Variants in SPATA13 observed in about 807,000 individuals in gnomAD.
SPATA13 encodes the protein spermatogenesis associated 13.
In SPATA13, 50 loss-of-function variants were observed where a neutral mutation model predicts 104.0. The ratio of observed to expected loss-of-function variants is 0.48; its 90% CI spans 0.38 to 0.61. The LOEUF is 0.61. Among genes scored for constraint, SPATA13 ranks in the 20% least tolerant of loss-of-function variants. SPATA13 has a pLI of 0.00. For synonymous variants in SPATA13, 606 were observed against 667.5 expected (o/e 0.91, Z 1.42); for missense variants, 1,524 against 1,690.6 (o/e 0.90, Z 1.73).
chr13:24,291,631 G>C (rs1243868312), intron 9 of SPATA13, among the ~76,000 whole-genome samples: 1 of 152,166 alleles, frequency 6.6e-6, no homozygotes, highest in Non-Finnish European at 1.5e-5. Flanking sequence ...ATCTCCCTTC[G>C]AGCTTCCTTG....
chr13:24,012,526 G>A (rs1876517380), intron 2 of SPATA13, among the ~76,000 whole-genome samples: 1 of 152,240 alleles, frequency 6.6e-6, no homozygotes, highest in Admixed American at 6.5e-5. Flanking sequence ...AATTTTGATA[G>A]GCTTCTCACT....
At chr13:24,098,725 G>A (rs192191304) in intron 3 of SPATA13, among the ~76,000 whole-genome samples, 2 of 151,986 alleles carry the variant, frequency 1.3e-5, no homozygotes, top group East Asian at 3.9e-4. Context: ...TCAAGAGATC[G>A]AGACCATCCT....
intron 2 of SPATA13, among the ~76,000 whole-genome samples, chr13:24,008,664 G>A (rs1171320761): frequency 1.3e-5 from 2 of 152,164 alleles, no homozygotes; most frequent in East Asian, 3.9e-4. Flanking sequence ...ACTGGAGGAG[G>A]CAGCAGGCCT....
intron 3 of SPATA13, among the ~76,000 whole-genome samples, chr13:24,141,943 T>C (rs1382901192): frequency 6.6e-6 from 1 of 152,310 alleles, no homozygotes; most frequent in East Asian, 1.9e-4. Context: ...GGTCTTCATG[T>C]TGCTGTTTAC....
At chr13:24,126,600 A>G (rs1294883259) in intron 3 of SPATA13, among the ~76,000 whole-genome samples, 1 of 152,198 alleles carries the variant, frequency 6.6e-6, no homozygotes, top group East Asian at 1.9e-4. Flanking sequence ...TCTGTCACTC[A>G]GGCTGGAGTG....
At chr13:24,292,402 A>G (rs1305382441) in intron 9 of SPATA13, among the ~76,000 whole-genome samples, 1 of 152,198 alleles carries the variant, frequency 6.6e-6, no homozygotes, top group Non-Finnish European at 1.5e-5. Flanking sequence ...CCAGGCTCCA[A>G]GCCAGGCTAC....
chr13:24,026,788 A>G (rs978508888), intron 3 of SPATA13, among the ~76,000 whole-genome samples: 1 of 151,984 alleles, frequency 6.6e-6, no homozygotes, highest in East Asian at 1.9e-4. Context: ...CGTGTTAGCC[A>G]GGATGGTCTG....
intron 2 of SPATA13, among the ~76,000 whole-genome samples, chr13:24,239,837 T>C (rs1872748343): frequency 6.6e-6 from 1 of 151,858 alleles, no homozygotes. Flanking sequence ...TTCATTTTTA[T>C]AAAATCATGT....
chr13:24,236,870 T>C (rs936190740), intron 2 of SPATA13, among the ~76,000 whole-genome samples: 2 of 152,150 alleles, frequency 1.3e-5, no homozygotes, highest in Non-Finnish European at 2.9e-5. Flanking sequence ...TACTGTATGA[T>C]CCAGCAATTC....
At chr13:24,135,163 C>T (rs561438319) in intron 3 of SPATA13, among the ~76,000 whole-genome samples, 1 of 152,218 alleles carries the variant, frequency 6.6e-6, no homozygotes, top group Non-Finnish European at 1.5e-5. Context: ...TATAAGCCAC[C>T]TAGCTCGTGA....
chr13:23,983,556 G>T (rs1053276320), intron 1 of SPATA13, among the ~76,000 whole-genome samples: 6 of 152,004 alleles, frequency 3.9e-5, no homozygotes, highest in African/African-American at 1.4e-4. Flanking sequence ...CAATTGCTTT[G>T]TTATTCTCAT....
At chr13:24,108,152 C>G (rs1160944005) in intron 3 of SPATA13, among the ~76,000 whole-genome samples, 1 of 152,162 alleles carries the variant, frequency 6.6e-6, no homozygotes, top group East Asian at 1.9e-4. Flanking sequence ...GAAGGGGGGA[C>G]ACGCCCCTCA....
chr13:24,284,097 G>C (rs368843252), intron 4 of SPATA13, 38 bp from the exon 5 acceptor site: 3 of 1,573,018 alleles, frequency 1.9e-6, no homozygotes, highest in Non-Finnish European at 2.6e-6. Flanking sequence ...CTTGTTAGCT[G>C]TGTCTTTTAA....
chr13:24,248,150 C>T (rs530384247), intron 2 of SPATA13, among the ~76,000 whole-genome samples: 6 of 152,370 alleles, frequency 3.9e-5, no homozygotes, highest in African/African-American at 1.4e-4. Context: ...CGCAGCCCTC[C>T]TCTCTGGCCA....
intron 2 of SPATA13, among the ~76,000 whole-genome samples, chr13:24,246,387 T>A (rs1383749837): frequency 1.3e-5 from 2 of 152,232 alleles, no homozygotes; most frequent in African/African-American, 4.8e-5. Flanking sequence ...TTTCCTGTAG[T>A]GGTGTTGGGG....
At chr13:24,191,195 C>G (rs1387421995) in intron 1 of SPATA13, among the ~76,000 whole-genome samples, 2 of 152,114 alleles carry the variant, frequency 1.3e-5, no homozygotes, top group Non-Finnish European at 2.9e-5. Flanking sequence ...AGGCTGGTCT[C>G]GATCACCTGG....
intron 1 of SPATA13, among the ~76,000 whole-genome samples, chr13:24,165,323 A>C (rs1318226632): frequency 2.6e-5 from 4 of 152,150 alleles, no homozygotes; most frequent in African/African-American, 9.7e-5. Context: ...ACCAGCATCC[A>C]TCTGCACCCT....
chr13:24,023,540 G>T (rs1877078170), intron 3 of SPATA13, among the ~76,000 whole-genome samples: 1 of 152,182 alleles, frequency 6.6e-6, no homozygotes, highest in African/African-American at 2.4e-5. Context: ...CAATGGTAAA[G>T]AAGAATTAGG....
chr13:24,111,744 T>G (rs2137813605), intron 3 of SPATA13, among the ~76,000 whole-genome samples: 1 of 152,376 alleles, frequency 6.6e-6, no homozygotes, highest in African/African-American at 2.4e-5. Context: ...GATCATTTTT[T>G]CCTGTTTTCT....
Sources: allele counts gnomAD v4.1 joint callset (sites outside exome capture counted in the v4.1 genomes callset), GRCh38; gene constraint gnomAD v4.1.1; transcripts MANE v1.5; gene names NCBI Gene and HGNC (gene_info 2026-07-23, HGNC 2026-07-21).